Variants in ZNF804B observed in about 807,000 individuals in gnomAD.
The protein encoded by ZNF804B is zinc finger protein 804B.
Under a neutral mutation model 101.4 loss-of-function variants are expected in ZNF804B, and 80 were observed. The ratio of observed to expected loss-of-function variants is 0.79; its 90% CI spans 0.66 to 0.95. The LOEUF is 0.95. Among genes scored for constraint, ZNF804B ranks in the 40% least tolerant of loss-of-function variants. The probability of loss-of-function intolerance (pLI) is 0.00; values close to 1 mark genes in which losing one functional copy is unlikely to be tolerated. For synonymous variants in ZNF804B, 622 were observed against 558.8 expected (o/e 1.11, Z -1.59); for missense variants, 1,673 against 1,561.9 (o/e 1.07, Z -1.20).
At chr7:88,805,062 G>C (rs1172938609) in intron 1 of ZNF804B, among the ~76,000 whole-genome samples, 1 of 152,138 alleles carries the variant, frequency 6.6e-6, no homozygotes, top group Admixed American at 6.6e-5. Flanking sequence ...TCTGAAAGAA[G>C]TTGTAGGAAT....
At chr7:89,219,966 T>TATATGTATATACAC (rs1788963156) in intron 2 of ZNF804B, among the ~76,000 whole-genome samples, 1 of 81,796 alleles carries the variant, frequency 1.2e-5, no homozygotes, top group African/African-American at 5.3e-5. Context: ...TATGTGTGCA[T>TATATGTATATACAC]ATATATGTAT....
At chr7:89,320,118 A>G (rs948971481) in intron 2 of ZNF804B, among the ~76,000 whole-genome samples, 1 of 152,142 alleles carries the variant, frequency 6.6e-6, no homozygotes, top group Non-Finnish European at 1.5e-5. Flanking sequence ...TGATGGGTGC[A>G]GCAAACCACC....
chr7:89,296,655 T>C (rs777025011), intron 2 of ZNF804B, among the ~76,000 whole-genome samples: 1 of 152,070 alleles, frequency 6.6e-6, no homozygotes, highest in Non-Finnish European at 1.5e-5. Context: ...TTGTGTGTAG[T>C]AGACCCCAAT....
intron 1 of ZNF804B, among the ~76,000 whole-genome samples, chr7:88,920,695 C>G (rs1792706887): frequency 6.6e-6 from 1 of 151,562 alleles, no homozygotes; most frequent in African/African-American, 2.4e-5. Context: ...TGAAATAAAT[C>G]ACTAGATTTT....
intron 1 of ZNF804B, among the ~76,000 whole-genome samples, chr7:88,903,066 AATAG>A (rs1792416398): frequency 1.3e-5 from 2 of 152,050 alleles, no homozygotes; most frequent in African/African-American, 4.8e-5. Flanking sequence ...CATAGTACCC[AATAG>A]ATAGTTTTTC....
chr7:88,980,135 A>G (rs1435021547), intron 1 of ZNF804B, among the ~76,000 whole-genome samples: 1 of 151,952 alleles, frequency 6.6e-6, no homozygotes, highest in African/African-American at 2.4e-5. Context: ...TTACATGTGT[A>G]TACATGCTTG....
intron 2 of ZNF804B, among the ~76,000 whole-genome samples, chr7:89,220,045 G>GTGTATACA (rs1426877736): frequency 1.1e-5 from 1 of 95,194 alleles, no homozygotes; most frequent in Non-Finnish European, 2.1e-5. Flanking sequence ...ACATATATGT[G>GTGTATACA]CATATATACA....
At chr7:89,072,709 C>A (rs1789560006) in intron 1 of ZNF804B, among the ~76,000 whole-genome samples, 4 of 152,018 alleles carry the variant, frequency 2.6e-5, no homozygotes, top group Admixed American at 2.6e-4. Context: ...ACCAGGAAGA[C>A]AACAGAGAAT....
At chr7:88,947,985 C>T (rs1793161751) in intron 1 of ZNF804B, among the ~76,000 whole-genome samples, 1 of 151,930 alleles carries the variant, frequency 6.6e-6, no homozygotes, top group African/African-American at 2.4e-5. Context: ...TTAATAATAT[C>T]TGTAGTGTGC....
intron 1 of ZNF804B, among the ~76,000 whole-genome samples, chr7:88,838,801 A>G (rs1791253813): frequency 6.6e-6 from 1 of 151,998 alleles, no homozygotes; most frequent in African/African-American, 2.4e-5. Context: ...CCTTGAACTA[A>G]TAAATATAAA....
intron 3 of ZNF804B, among the ~76,000 whole-genome samples, chr7:89,332,701 G>A (rs1268313090): frequency 6.6e-6 from 1 of 151,760 alleles, no homozygotes; most frequent in Non-Finnish European, 1.5e-5. Flanking sequence ...ATATAATGCA[G>A]AAATGGTAGA....
chr7:88,920,182 T>C (rs1468668763), intron 1 of ZNF804B, among the ~76,000 whole-genome samples: 1 of 151,978 alleles, frequency 6.6e-6, no homozygotes, highest in African/African-American at 2.4e-5. Flanking sequence ...AAATCAGAAC[T>C]CTCCTTCATA....
intron 2 of ZNF804B, among the ~76,000 whole-genome samples, chr7:89,305,972 A>G (rs922871479): frequency 6.6e-6 from 1 of 151,996 alleles, no homozygotes; most frequent in Non-Finnish European, 1.5e-5. Flanking sequence ...TGAAATTATC[A>G]TTTTTAATAG....
intron 1 of ZNF804B, among the ~76,000 whole-genome samples, chr7:88,771,351 G>T (rs1203733703): frequency 6.6e-6 from 1 of 151,870 alleles, no homozygotes; most frequent in Non-Finnish European, 1.5e-5. Context: ...TTTAATTTTT[G>T]TATTAAAGAA....
At chr7:89,039,460 T>A (rs1788981102) in intron 1 of ZNF804B, among the ~76,000 whole-genome samples, 1 of 152,016 alleles carries the variant, frequency 6.6e-6, no homozygotes. Context: ...TGTTTTATGC[T>A]ATTATAAATG....
At chr7:89,284,432 A>G (rs1406325168) in intron 2 of ZNF804B, among the ~76,000 whole-genome samples, 1 of 152,346 alleles carries the variant, frequency 6.6e-6, no homozygotes, top group East Asian at 1.9e-4. Flanking sequence ...TCATGATATT[A>G]TAGGAAAAAT....
At chr7:89,292,869 CA>C (rs1329688072) in intron 2 of ZNF804B, among the ~76,000 whole-genome samples, 1 of 151,686 alleles carries the variant, frequency 6.6e-6, no homozygotes, top group Admixed American at 6.6e-5. Flanking sequence ...GAAATAGCAT[CA>C]AAAAACCTAA....
chr7:88,819,546 C>T (rs562689144), intron 1 of ZNF804B, among the ~76,000 whole-genome samples: 9 of 152,118 alleles, frequency 5.9e-5, no homozygotes, highest in Non-Finnish European at 1.2e-4. Context: ...CTTCTTTCTG[C>T]CTGCTCTCTT....
intron 2 of ZNF804B, among the ~76,000 whole-genome samples, chr7:89,255,442 G>T (rs963063208): frequency 6.6e-6 from 1 of 152,192 alleles, no homozygotes; most frequent in Non-Finnish European, 1.5e-5. Flanking sequence ...CAAAATAGCA[G>T]CCTTGAAACT....
Sources: gnomAD v4.1 joint callset for allele counts (sites outside exome capture counted in the v4.1 genomes callset) on GRCh38, gnomAD v4.1.1 for gene constraint, MANE v1.5 for transcripts, NCBI Gene and HGNC (gene_info 2026-07-23, HGNC 2026-07-21) for gene names.